LRP1B: variants seen among roughly 807,000 people sequenced by gnomAD.
LRP1B encodes LDL receptor related protein 1B.
Under a neutral mutation model 556.6 loss-of-function variants are expected in LRP1B, and 217 were observed. The ratio of observed to expected loss-of-function variants is 0.39; its 90% confidence interval spans 0.35 to 0.44. The LOEUF is 0.44. LRP1B is among the 20% of genes least tolerant of loss of function. The probability of loss-of-function intolerance (pLI) is 1.00; values close to 1 mark genes in which losing one functional copy is unlikely to be tolerated. For missense variants in LRP1B, 5,053 were observed against 5,620.8 expected, an observed-to-expected ratio of 0.90 and a Z score of 3.23; for synonymous variants, 2,047 against 1,865.8, an observed-to-expected ratio of 1.10 and a Z score of -2.50.
intron 1 of LRP1B, among the ~76,000 whole-genome samples, chr2:142,061,046 G>C (rs968974833): frequency 2.0e-5 from 3 of 151,850 alleles, no homozygotes; most frequent in Non-Finnish European, 4.4e-5. Context: ...ACTATCAAAG[G>C]GGAGTAACAG....
At chr2:140,986,011 T>A (rs931036679) in intron 17 of LRP1B, among the ~76,000 whole-genome samples, 1 of 151,752 alleles carries the variant, frequency 6.6e-6, no homozygotes, top group Admixed American at 6.6e-5. Flanking sequence ...CTGGACATAT[T>A]ATAATACTAT....
intron 14 of LRP1B, among the ~76,000 whole-genome samples, chr2:141,006,593 A>G (rs1697582411): frequency 6.6e-6 from 1 of 152,060 alleles, no homozygotes; most frequent in Non-Finnish European, 1.5e-5. Flanking sequence ...ACACAAACCG[A>G]GATAGTAGAG....
intron 71 of LRP1B, among the ~76,000 whole-genome samples, chr2:140,368,844 T>C (rs1558834195): frequency 6.6e-6 from 1 of 151,870 alleles, no homozygotes; most frequent in Non-Finnish European, 1.5e-5. Flanking sequence ...AATTAAATAC[T>C]AGAAATCTAA....
At chr2:141,552,895 A>C (rs1230454240) in intron 2 of LRP1B, among the ~76,000 whole-genome samples, 3 of 152,046 alleles carry the variant, frequency 2.0e-5, no homozygotes, top group Non-Finnish European at 4.4e-5. Context: ...AACATATAAG[A>C]ATACTTGGAT....
At chr2:141,306,608 T>C (rs1463488957) in intron 3 of LRP1B, among the ~76,000 whole-genome samples, 1 of 152,102 alleles carries the variant, frequency 6.6e-6, no homozygotes, top group African/African-American at 2.4e-5. Flanking sequence ...GTTTGCATTT[T>C]CTTAGTTTTT....
chr2:140,385,861 G>A (rs2105198187), intron 67 of LRP1B, 32 bp downstream of exon 67: 3 of 1,461,974 alleles, frequency 2.1e-6, no homozygotes, highest in Non-Finnish European at 2.9e-6. Flanking sequence ...GGGCTGTCAA[G>A]CTCAAAACAT....
chr2:141,859,764 T>C (rs1192655613), intron 1 of LRP1B, among the ~76,000 whole-genome samples: 1 of 152,156 alleles, frequency 6.6e-6, no homozygotes, highest in Non-Finnish European at 1.5e-5. Context: ...ATCACATAAG[T>C]ATGTACAATT....
At chr2:141,710,451 T>C (rs1217582865) in intron 2 of LRP1B, among the ~76,000 whole-genome samples, 1 of 152,168 alleles carries the variant, frequency 6.6e-6, no homozygotes, top group African/African-American at 2.4e-5. Context: ...TACCCTGTGA[T>C]TGTCACAGTA....
intron 43 of LRP1B, among the ~76,000 whole-genome samples, chr2:140,552,092 G>C (rs751530572): frequency 1.3e-5 from 2 of 152,082 alleles, no homozygotes; most frequent in African/African-American, 2.4e-5. Flanking sequence ...TGGTGACAGG[G>C]ACTAGAGAAA....
chr2:141,972,485 C>T (rs1307313757), intron 1 of LRP1B, among the ~76,000 whole-genome samples: 1 of 151,044 alleles, frequency 6.6e-6, no homozygotes, highest in East Asian at 1.9e-4. Flanking sequence ...TTCAATTCCA[C>T]ATGAAATGAA....
Position 140,526,282 on chromosome 2 carries a change from T to C in LRP1B, c.7831A>G (p.Asn2611Asp), listed in dbSNP as rs750352044. 6.2e-6 allele frequency: 10 copies of C among 1,612,066 alleles called. No homozygotes were observed. Among genetic ancestry groups the C allele is most frequent in the African/African-American group, 1.3e-5 (1 of 74,900 alleles). The change falls in exon 48 of 91, where the codon AAC becomes GAC. Residue 2611 changes from asparagine to aspartate, a missense_variant. By Grantham distance (23) the Asn-to-Asp change is conservative. Coordinates refer to ENST00000389484, the MANE Select transcript of LRP1B (RefSeq NM_018557.3). Reference sequence around the variant, plus strand: ...GCATCTGCACAATCTATGTTCTGGTTGCATCGTGCTGATCTTGGAATACAA... The same window carrying C: ...GCATCTGCACAATCTATGTTCTGGTCGCATCGTGCTGATCTTGGAATACAA... The part of the protein sequence containing the change: ...GTCIPRSARC[N>D]QNIDCADASD...
chr2:141,395,755 A>G (rs1690218870), intron 3 of LRP1B, among the ~76,000 whole-genome samples: 1 of 152,186 alleles, frequency 6.6e-6, no homozygotes, highest in East Asian at 1.9e-4. Context: ...AGGCAGAGAA[A>G]CAAAAATAAA....
At chr2:141,291,855 CAAAAAAAA>C (rs143819331) in intron 3 of LRP1B, among the ~76,000 whole-genome samples, 31 of 99,298 alleles carry the variant, frequency 3.1e-4, no homozygotes, top group African/African-American at 1.1e-3. Context: ...GACTCTGTCT[CAAAAAAAA>C]AAAAAAAAAA....
rs112359517 is a variant in LRP1B, at chr2:140,503,182, A to G, written c.8522-79T>C. On this transcript the variant is annotated intron_variant, in intron 53 of 90. Transcript: ENST00000389484. ...ACGTCATCTCCTCAATGTACACTAC[A>G]CCGGATTAATGTGGATTACTCATGT... 5.4e-4 allele frequency: 693 copies of G among 1,288,226 alleles called. 6 individuals are homozygous for G. In the African/African-American group the frequency reaches 8.6e-3, roughly 16 times the overall value. 79.8% of individuals were successfully genotyped at this position (1,288,226 alleles called of 1,614,324 possible).
At chr2:140,903,208 T>C in intron 22 of LRP1B, 43 bp from the exon 23 acceptor site, 1 of 1,595,578 alleles carries the variant, frequency 6.3e-7, no homozygotes, top group Non-Finnish European at 8.5e-7. Context: ...ATCAATTGCT[T>C]TCCTCAGTTA....
At chr2:141,185,683 C>CAAAAAAAAAAAAAAAAAAAA (rs148935362) in intron 7 of LRP1B, among the ~76,000 whole-genome samples, 73 of 74,116 alleles carry the variant, frequency 9.8e-4, no homozygotes, top group East Asian at 1.4e-3. Context: ...GAAAAACAAA[C>CAAAAAAAAAAAAAAAAAAAA]AAACAAAAAA....
intron 6 of LRP1B, among the ~76,000 whole-genome samples, chr2:141,214,486 A>G (rs1682707084): frequency 6.6e-6 from 1 of 152,184 alleles, no homozygotes; most frequent in Non-Finnish European, 1.5e-5. Flanking sequence ...CTAAACACCT[A>G]TATATAAAAT....
At chr2:141,283,618 C>CTTTT (rs751136016) in intron 3 of LRP1B, among the ~76,000 whole-genome samples, 3 of 123,912 alleles carry the variant, frequency 2.4e-5, no homozygotes, top group East Asian at 2.4e-4. Context: ...AAGAGACCCA[C>CTTTT]TTTTTTTTTT....
At chr2:140,503,211 C>A in intron 53 of LRP1B, 108 bp from the exon 54 acceptor site, 1 of 897,494 alleles carries the variant, frequency 1.1e-6, no homozygotes, top group Non-Finnish European at 1.7e-6. Context: ...CTCATGTCTC[C>A]CATGAGAAAT....
Sources: gnomAD v4.1 joint callset for allele counts (sites outside exome capture counted in the v4.1 genomes callset) on GRCh38, gnomAD v4.1.1 for gene constraint, MANE v1.5 for transcripts, NCBI Gene and HGNC (gene_info 2026-07-23, HGNC 2026-07-21) for gene names.